ARHGAP15: variants seen among roughly 807,000 people sequenced by gnomAD.
The protein encoded by ARHGAP15 is Rho GTPase activating protein 15.
In ARHGAP15, 51 loss-of-function variants were observed where a neutral mutation model predicts 63.7. That is an observed-to-expected ratio of 0.80 (90% CI 0.64 to 1.01). The LOEUF is 1.01. Among genes scored for constraint, ARHGAP15 ranks in the 50% least tolerant of loss-of-function variants. ARHGAP15 has a pLI of 0.00. For synonymous variants in ARHGAP15, 191 were observed against 193.8 expected (o/e 0.99, Z 0.12); for missense variants, 560 against 564.6 (o/e 0.99, Z 0.08).
chr2:143,730,206 G>T (rs999998615), intron 13 of ARHGAP15, among the ~76,000 whole-genome samples: 1 of 152,146 alleles, frequency 6.6e-6, no homozygotes, highest in African/African-American at 2.4e-5. Context: ...CTGCCACAAC[G>T]CAGCCAAAGT....
chr2:143,476,614 A>T (rs1691829941), intron 8 of ARHGAP15, among the ~76,000 whole-genome samples: 1 of 152,232 alleles, frequency 6.6e-6, no homozygotes, highest in African/African-American at 2.4e-5. Flanking sequence ...TACTTAAAAT[A>T]GTTTCTTTCA....
At chr2:143,426,077 C>T (rs772769836) in intron 6 of ARHGAP15, among the ~76,000 whole-genome samples, 4 of 152,104 alleles carry the variant, frequency 2.6e-5, no homozygotes, top group Non-Finnish European at 5.9e-5. Context: ...GACAGAGTAT[C>T]AGGAATCATG....
At chr2:143,236,133 C>T (rs750883239) in intron 5 of ARHGAP15, 1 of 913,462 alleles carries the variant, frequency 1.1e-6, no homozygotes, top group Admixed American at 3.8e-5. Flanking sequence ...TAATTTTTTT[C>T]TTTTTGTTTT....
At chr2:143,334,371 T>C (rs896231336) in intron 6 of ARHGAP15, among the ~76,000 whole-genome samples, 2 of 152,208 alleles carry the variant, frequency 1.3e-5, no homozygotes, top group African/African-American at 4.8e-5. Flanking sequence ...ATACCTTATT[T>C]TTTTCTAGAC....
intron 6 of ARHGAP15, among the ~76,000 whole-genome samples, chr2:143,351,918 T>C (rs1685591564): frequency 6.6e-6 from 1 of 152,208 alleles, no homozygotes; most frequent in African/African-American, 2.4e-5. Flanking sequence ...ATCTAAAATA[T>C]AAATAAAAGG....
intron 8 of ARHGAP15, among the ~76,000 whole-genome samples, chr2:143,442,334 A>AG (rs1689923468): frequency 6.6e-6 from 1 of 152,154 alleles, no homozygotes; most frequent in African/African-American, 2.4e-5. Context: ...TGTTGTTTCT[A>AG]GGGAACAACT....
At chr2:143,204,101 A>C (rs1315138457) in intron 3 of ARHGAP15, among the ~76,000 whole-genome samples, 1 of 152,092 alleles carries the variant, frequency 6.6e-6, no homozygotes, top group Non-Finnish European at 1.5e-5. Context: ...CAAAGAACCC[A>C]GTTTGCTCTG....
intron 12 of ARHGAP15, among the ~76,000 whole-genome samples, chr2:143,666,723 GA>G (rs1290155200): frequency 7.5e-6 from 1 of 132,574 alleles, no homozygotes; most frequent in Non-Finnish European, 1.6e-5. Flanking sequence ...AAATTTACAA[GA>G]AAAAAACAAA....
intron 3 of ARHGAP15, among the ~76,000 whole-genome samples, chr2:143,210,533 A>G (rs1408277215): frequency 6.6e-6 from 1 of 152,138 alleles, no homozygotes; most frequent in Non-Finnish European, 1.5e-5. Context: ...GCAAAACATA[A>G]TATGTGCTTT....
At chr2:143,476,272 A>G (rs1317383241) in intron 8 of ARHGAP15, among the ~76,000 whole-genome samples, 2 of 152,154 alleles carry the variant, frequency 1.3e-5, no homozygotes, top group Non-Finnish European at 2.9e-5. Context: ...TTTAATAATA[A>G]TATTTTCAAG....
chr2:143,721,683 T>A (rs1685065213), intron 13 of ARHGAP15, among the ~76,000 whole-genome samples: 1 of 152,142 alleles, frequency 6.6e-6, no homozygotes, highest in East Asian at 1.9e-4. Flanking sequence ...ACGTGGACCT[T>A]TTTAAACTTT....
At chr2:143,276,297 C>T (rs1681546340) in intron 6 of ARHGAP15, among the ~76,000 whole-genome samples, 1 of 152,192 alleles carries the variant, frequency 6.6e-6, no homozygotes, top group Admixed American at 6.5e-5. Flanking sequence ...CATTTCTACT[C>T]TTTGCAGCCG....
chr2:143,180,073 G>C (rs749060132), intron 2 of ARHGAP15, among the ~76,000 whole-genome samples: 12 of 152,110 alleles, frequency 7.9e-5, no homozygotes, highest in Middle Eastern at 3.2e-3. Context: ...GCAATGTTTT[G>C]AAATAAGTCC....
At chr2:143,613,883 G>A (rs1399431000) in intron 11 of ARHGAP15, among the ~76,000 whole-genome samples, 2 of 152,096 alleles carry the variant, frequency 1.3e-5, no homozygotes, top group Non-Finnish European at 2.9e-5. Flanking sequence ...GCTACTGCCA[G>A]AGCATCTTTC....
At position 143,390,090 on chromosome 2, in the gene ARHGAP15, C is replaced by G. The variant is rs117939858; in HGVS notation, c.475-45511C>G. On this transcript the variant is annotated intron_variant, in intron 6 of 13. Transcript: ENST00000295095. ...GTAGCTTGTTGAAGATTGAATATTT[C>G]TATGTTTCACTAGAGCCTTTAAATA... Among the ~76,000 whole-genome samples, 47 of 149,932 alleles carry G rather than the reference C, an allele frequency of 3.1e-4. 1 individual carries two copies. The East Asian group carries it at 9.0e-3, about 29-fold the overall frequency.
intron 1 of ARHGAP15, among the ~76,000 whole-genome samples, chr2:143,142,982 T>G (rs150239316): frequency 2.2e-4 from 34 of 152,270 alleles, no homozygotes; most frequent in African/African-American, 7.7e-4. Context: ...ATTTTTTACT[T>G]TAATGTGTCC....
chr2:143,407,668 T>C (rs207462501), intron 6 of ARHGAP15, among the ~76,000 whole-genome samples: 1 of 151,794 alleles, frequency 6.6e-6, no homozygotes, highest in Non-Finnish European at 1.5e-5. Flanking sequence ...CAATATTCTC[T>C]TCAAAATCTT....
At chr2:143,673,773 T>TACATATATATATATATATATAC (rs1283790329) in intron 12 of ARHGAP15, among the ~76,000 whole-genome samples, 1 of 102,278 alleles carries the variant, frequency 9.8e-6, no homozygotes, top group African/African-American at 3.6e-5. Flanking sequence ...TATATATATA[T>TACATATATATATATATATATAC]ATATATATAT....
chr2:143,531,174 A>G (rs1410586658), intron 10 of ARHGAP15, among the ~76,000 whole-genome samples: 2 of 151,994 alleles, frequency 1.3e-5, no homozygotes, highest in African/African-American at 2.4e-5. Flanking sequence ...ATCCTAACTG[A>G]GGACATTTTA....
Sources: gnomAD v4.1 joint callset for allele counts (sites outside exome capture counted in the v4.1 genomes callset) on GRCh38, gnomAD v4.1.1 for gene constraint, MANE v1.5 for transcripts, NCBI Gene and HGNC (gene_info 2026-07-23, HGNC 2026-07-21) for gene names.